The following DLG2 variants were observed in gnomAD, a reference collection of about 807,000 sequenced individuals.
The protein encoded by DLG2 is discs large MAGUK scaffold protein 2.
In DLG2, 45 loss-of-function variants were observed where a neutral mutation model predicts 132.5. That is an observed-to-expected ratio of 0.34 (90% CI 0.27 to 0.44). DLG2 has a LOEUF of 0.44. Ranked by LOEUF, DLG2 falls within the 20% of genes least tolerant of loss-of-function variation. The pLI is 1.00. For synonymous variants in DLG2, 424 were observed against 419.6 expected (o/e 1.01, Z -0.13); for missense variants, 1,045 against 1,196.9 (o/e 0.87, Z 1.87).
At chr11:85,481,573 C>A (rs116676116) in intron 3 of DLG2, among the ~76,000 whole-genome samples, 1 of 152,060 alleles carries the variant, frequency 6.6e-6, no homozygotes, top group South Asian at 2.1e-4. Flanking sequence ...CAAAGCTAGG[C>A]CCACCCCCAA....
chr11:83,459,945 C>T (rs2089560493), intron 27 of DLG2, 21 bp from the exon 28 acceptor site: 1 of 1,333,608 alleles, frequency 7.5e-7, no homozygotes, highest in Non-Finnish European at 1.1e-6. Flanking sequence ...AGCAAACACA[C>T]CCAGAATTAG....
intron 11 of DLG2, among the ~76,000 whole-genome samples, chr11:84,038,978 G>A (rs539532678): frequency 3.0e-4 from 45 of 152,058 alleles, no homozygotes; most frequent in South Asian, 6.2e-4. Context: ...CTCCCACCAG[G>A]CCCCTCCCAT....
At chr11:84,217,892 G>T (rs544816214) in intron 8 of DLG2, among the ~76,000 whole-genome samples, 1 of 152,318 alleles carries the variant, frequency 6.6e-6, no homozygotes, top group East Asian at 1.9e-4. Flanking sequence ...CTGTGGCCTG[G>T]TGCAGTGGCT....
chr11:83,558,645 C>T (rs1011476295), intron 19 of DLG2, among the ~76,000 whole-genome samples: 2 of 152,132 alleles, frequency 1.3e-5, no homozygotes, highest in Non-Finnish European at 2.9e-5. Context: ...AGGAATTCAA[C>T]CCAGATCTGT....
chr11:84,039,022 A>T (rs2095969093), intron 11 of DLG2, among the ~76,000 whole-genome samples: 1 of 152,056 alleles, frequency 6.6e-6, no homozygotes, highest in Non-Finnish European at 1.5e-5. Context: ...ACAAGATGAG[A>T]TTTGTTTTAA....
chr11:85,569,220 C>A (rs187336169), intron 3 of DLG2, among the ~76,000 whole-genome samples: 1 of 151,920 alleles, frequency 6.6e-6, no homozygotes, highest in African/African-American at 2.4e-5. Context: ...TTAGTAGAGA[C>A]GAGGTTTTGC....
At chr11:84,554,740 C>G (rs1461296998) in intron 6 of DLG2, among the ~76,000 whole-genome samples, 1 of 151,940 alleles carries the variant, frequency 6.6e-6, no homozygotes, top group African/African-American at 2.4e-5. Flanking sequence ...GAGTGAAACT[C>G]TGTCTCAATA....
At chr11:85,535,041 T>C (rs1426098911) in intron 3 of DLG2, among the ~76,000 whole-genome samples, 2 of 152,224 alleles carry the variant, frequency 1.3e-5, no homozygotes, top group Non-Finnish European at 2.9e-5. Context: ...CTGACTGGTG[T>C]GACATGGTAT....
At chr11:84,243,405 A>G (rs1424313324) in intron 8 of DLG2, among the ~76,000 whole-genome samples, 1 of 152,162 alleles carries the variant, frequency 6.6e-6, no homozygotes, top group Non-Finnish European at 1.5e-5. Flanking sequence ...GAATAAATAG[A>G]GCTCTTTCCT....
chr11:83,484,155 C>G lies in DLG2; in HGVS notation c.2267G>C (p.Ser756Thr), dbSNP rs1415821274. The G allele has an allele frequency of 1.2e-6, 2 of 1,613,446 alleles. No homozygotes were observed. Among genetic ancestry groups the G allele is most frequent in the African/African-American group, 2.7e-5 (2 of 74,964 alleles). The change falls in exon 22 of 28, where the codon AGT becomes ACT. Residue 756 changes from serine (S) to threonine (T), a missense_variant. Ser to Thr is a moderately conservative substitution (Grantham distance 58). This residue lies in a region of DLG2 where 398 missense variants were observed against 543.6 expected (regional missense o/e 0.73). Transcript: ENST00000376104. Reference protein sequence around the residue: ...KFPFYKNKEQSEQETSDPERG... With the variant: ...KFPFYKNKEQTEQETSDPERG... ...TTCAGGATCACTGGTTTCCTGCTCA[C>G]TCTGCTCCTTGTTCTTGTAGAATGG...
At chr11:84,726,645 G>T (rs1269599573) in intron 6 of DLG2, among the ~76,000 whole-genome samples, 1 of 152,020 alleles carries the variant, frequency 6.6e-6, no homozygotes, top group South Asian at 2.1e-4. Context: ...GAGATTGCTG[G>T]GTCAAACGGT....
chr11:85,016,883 T>TCA (rs1412102554), intron 6 of DLG2, among the ~76,000 whole-genome samples: 1 of 150,498 alleles, frequency 6.6e-6, no homozygotes. Context: ...ACAGCCATCC[T>TCA]CACCCTAGGC....
At chr11:84,243,316 C>A (rs7130225) in intron 8 of DLG2, among the ~76,000 whole-genome samples, 104,198 of 151,884 alleles carry the variant, frequency 0.69, 36,433 homozygotes, top group Middle Eastern at 0.79. Flanking sequence ...CCATATGTGA[C>A]TTATAACTAC....
intron 7 of DLG2, among the ~76,000 whole-genome samples, chr11:84,484,578 C>G (rs1013509647): frequency 2.6e-5 from 4 of 152,106 alleles, no homozygotes; most frequent in African/African-American, 9.7e-5. Flanking sequence ...AACTTTTTTG[C>G]ATTAAAATTA....
intron 11 of DLG2, among the ~76,000 whole-genome samples, chr11:84,020,135 G>A (rs147210294): frequency 2.2e-4 from 34 of 152,158 alleles, no homozygotes; most frequent in Admixed American, 4.6e-4. Flanking sequence ...CTGGGGGCTT[G>A]AACTCTAAAT....
At chr11:85,068,365 C>T (rs540102290) in intron 6 of DLG2, among the ~76,000 whole-genome samples, 1 of 152,200 alleles carries the variant, frequency 6.6e-6, no homozygotes, top group Admixed American at 6.6e-5. Context: ...CAAAGTGTCC[C>T]TGTTTGCAGA....
intron 6 of DLG2, among the ~76,000 whole-genome samples, chr11:84,953,617 G>C (rs184324050): frequency 6.6e-6 from 1 of 152,148 alleles, no homozygotes; most frequent in East Asian, 1.9e-4. Context: ...TAATTTGCAG[G>C]GTAGTTGCAA....
chr11:83,910,526 A>C (rs901317876), intron 15 of DLG2, among the ~76,000 whole-genome samples: 20 of 152,176 alleles, frequency 1.3e-4, no homozygotes, highest in African/African-American at 4.8e-4. Flanking sequence ...TGCATTTAAC[A>C]ATAATACATA....
intron 6 of DLG2, among the ~76,000 whole-genome samples, chr11:84,704,826 T>C (rs2059610618): frequency 6.6e-6 from 1 of 150,704 alleles, no homozygotes; most frequent in East Asian, 2.0e-4. Context: ...AAGTTGAATC[T>C]ACAGGTAGTA....
Sources: allele counts gnomAD v4.1 joint callset (sites outside exome capture counted in the v4.1 genomes callset), GRCh38; gene constraint gnomAD v4.1.1; regional missense constraint gnomAD v4.1.1; transcripts MANE v1.5; gene names NCBI Gene and HGNC (gene_info 2026-07-23, HGNC 2026-07-21).